GRM5: variants seen among roughly 807,000 people sequenced by gnomAD.
GRM5 encodes glutamate metabotropic receptor 5.
In GRM5, 19 loss-of-function variants were observed where a neutral mutation model predicts 83.1. The ratio of observed to expected loss-of-function variants is 0.23; its 90% confidence interval spans 0.16 to 0.34. The LOEUF (loss-of-function observed/expected upper bound fraction) is 0.34. GRM5 is among the 10% of genes least tolerant of loss of function. The pLI is 1.00. For synonymous variants in GRM5, 675 were observed against 633.6 expected (o/e 1.07, Z -0.98); for missense variants, 1,160 against 1,588.3 (o/e 0.73, Z 4.58).
At chr11:88,954,332 T>C (rs1159030213) in intron 2 of GRM5, among the ~76,000 whole-genome samples, 2 of 149,052 alleles carry the variant, frequency 1.3e-5, no homozygotes, top group African/African-American at 2.5e-5. Context: ...AATACAGAGA[T>C]ACCTGACATT....
intron 2 of GRM5, among the ~76,000 whole-genome samples, chr11:88,902,721 C>T (rs572286486): frequency 2.6e-5 from 4 of 151,814 alleles, no homozygotes; most frequent in African/African-American, 9.7e-5. Flanking sequence ...TTTGGGAGGC[C>T]GAAGCAGGCG....
chr11:88,696,223 G>A (rs1166420701), intron 3 of GRM5, among the ~76,000 whole-genome samples: 1 of 152,070 alleles, frequency 6.6e-6, no homozygotes, highest in Non-Finnish European at 1.5e-5. Flanking sequence ...CACTGTTGAT[G>A]GTCTGCCAGC....
chr11:88,932,138 C>T (rs1937730074), intron 2 of GRM5, among the ~76,000 whole-genome samples: 1 of 152,064 alleles, frequency 6.6e-6, no homozygotes, highest in Non-Finnish European at 1.5e-5. Context: ...TATAGTTCAA[C>T]AATCCATTTC....
intron 3 of GRM5, among the ~76,000 whole-genome samples, chr11:88,777,228 C>A (rs970786256): frequency 1.3e-5 from 2 of 152,182 alleles, no homozygotes; most frequent in African/African-American, 4.8e-5. Flanking sequence ...CTGATTGAAT[C>A]AGCTATTGAA....
In GRM5 at chr11:88,998,857, A is replaced by G. The variant is rs1283778001; in HGVS notation, c.661+48355T>C. Reference sequence around the variant, plus strand: ...CTAAAAAATGGTGTATAAATCTACAAAGTATACAGGCTTTTTCTATATATA... The same window carrying G: ...CTAAAAAATGGTGTATAAATCTACAGAGTATACAGGCTTTTTCTATATATA... On this transcript the variant is annotated intron_variant, in intron 2 of 9. Transcript: ENST00000305447. Among the ~76,000 whole-genome samples the G allele has an allele frequency of 2.0e-5, 3 of 152,220 alleles. No individual in the cohort carries two copies. In the East Asian group the frequency reaches 5.8e-4, roughly 29 times the overall value.
intron 2 of GRM5, among the ~76,000 whole-genome samples, chr11:88,922,559 C>T (rs1458998521): frequency 1.3e-5 from 2 of 151,846 alleles, no homozygotes; most frequent in Non-Finnish European, 2.9e-5. Flanking sequence ...CTTTTCTTGC[C>T]GTATACAAAA....
chr11:89,021,735 T>C (rs1051551579), intron 2 of GRM5, among the ~76,000 whole-genome samples: 8 of 152,328 alleles, frequency 5.3e-5, no homozygotes, highest in African/African-American at 1.9e-4. Flanking sequence ...AGACTCTATA[T>C]TTTTTGGGCA....
intron 7 of GRM5, among the ~76,000 whole-genome samples, chr11:88,571,916 A>G (rs1056103759): frequency 1.3e-5 from 2 of 152,212 alleles, no homozygotes; most frequent in Non-Finnish European, 2.9e-5. Flanking sequence ...GATGATAAAG[A>G]CAAAAACTAA....
chr11:88,987,104 C>A (rs2135036280), intron 2 of GRM5, among the ~76,000 whole-genome samples: 1 of 152,168 alleles, frequency 6.6e-6, no homozygotes, highest in Middle Eastern at 3.4e-3. Flanking sequence ...GTACCGGGTT[C>A]ATCTCACTAG....
In GRM5 at chr11:89,037,621, T is replaced by C. The variant is rs184264828; in HGVS notation, c.661+9591A>G. 2.6e-3 allele frequency among the ~76,000 whole-genome samples: 389 copies of C among 152,236 alleles called. 4 individuals are homozygous for C. Among genetic ancestry groups the C allele is most frequent in the African/African-American group, 8.9e-3 (368 of 41,532 alleles). ...GGGACTTTGGACAAGTAAATTTAAT[T>C]TCCTTATTATCAAATTGAGATAAAA... is the stretch of plus-strand genomic sequence containing the variant. On this transcript the variant is annotated intron_variant, in intron 2 of 9. Transcript: ENST00000305447.
At chr11:88,691,189 A>C (rs182602418) in intron 3 of GRM5, among the ~76,000 whole-genome samples, 3 of 152,322 alleles carry the variant, frequency 2.0e-5, no homozygotes, top group Non-Finnish European at 4.4e-5. Flanking sequence ...ATTTCTAATA[A>C]AGTTAAATAG....
chr11:88,553,244 T>C (rs969370300), intron 8 of GRM5, among the ~76,000 whole-genome samples: 4 of 152,164 alleles, frequency 2.6e-5, no homozygotes, highest in Non-Finnish European at 5.9e-5. Flanking sequence ...AACATTTGGT[T>C]CTCATTTTGC....
At chr11:88,735,646 A>G (rs954447772) in intron 3 of GRM5, among the ~76,000 whole-genome samples, 1 of 152,072 alleles carries the variant, frequency 6.6e-6, no homozygotes, top group Non-Finnish European at 1.5e-5. Flanking sequence ...ACCTAGGAAC[A>G]ATGCCACACA....
chr11:89,009,919 A>AAC (rs1421300974), intron 2 of GRM5, among the ~76,000 whole-genome samples: 2,135 of 126,396 alleles, frequency 0.017, 211 homozygotes, highest in African/African-American at 0.084. Flanking sequence ...AAAAAAAAAA[A>AAC]AAAAAAAAAA....
rs115458801 is a variant in GRM5, at chr11:88,530,596, T to G, written c.2631-5192A>C. Among the ~76,000 whole-genome samples, 446 of 152,160 alleles carry G rather than the reference T, an allele frequency of 2.9e-3. 2 individuals carry two copies. The highest frequency in any genetic ancestry group is 0.01 in the African/African-American group (425 of 41,552). ...TCAGATAGTAAATGTAATTTTCCATTATTATTTGGATAAAAAATTTCATTT... is the reference window on the plus strand; with the variant it reads ...TCAGATAGTAAATGTAATTTTCCATGATTATTTGGATAAAAAATTTCATTT... On this transcript the variant is annotated intron_variant, in intron 8 of 9. Transcript: ENST00000305447.
chr11:88,875,724 A>G (rs909221859), intron 2 of GRM5, among the ~76,000 whole-genome samples: 7 of 152,110 alleles, frequency 4.6e-5, no homozygotes, highest in African/African-American at 1.7e-4. Flanking sequence ...CTTAGCAGGC[A>G]TGAAAACAAC....
At chr11:89,055,179 T>C (rs1386646205) in intron 1 of GRM5, among the ~76,000 whole-genome samples, 1 of 152,200 alleles carries the variant, frequency 6.6e-6, no homozygotes, top group East Asian at 1.9e-4. Context: ...AGCAGAGTTG[T>C]TAAGAGCATG....
intron 2 of GRM5, among the ~76,000 whole-genome samples, chr11:89,004,101 G>A (rs1214355597): frequency 6.6e-6 from 1 of 152,088 alleles, no homozygotes; most frequent in Non-Finnish European, 1.5e-5. Flanking sequence ...GTGTTGAAGA[G>A]GTATAATTCA....
At chr11:88,748,034 T>G (rs1297529557) in intron 3 of GRM5, among the ~76,000 whole-genome samples, 1 of 151,898 alleles carries the variant, frequency 6.6e-6, no homozygotes, top group African/African-American at 2.4e-5. Flanking sequence ...CACTCTGGAG[T>G]AGCAGAGAGC....
Sources: gnomAD v4.1 joint callset for allele counts (sites outside exome capture counted in the v4.1 genomes callset) on GRCh38, gnomAD v4.1.1 for gene constraint, MANE v1.5 for transcripts, NCBI Gene and HGNC (gene_info 2026-07-23, HGNC 2026-07-21) for gene names.